Variants in CASTOR2 observed in about 807,000 individuals in gnomAD.
CASTOR2 encodes the protein cytosolic arginine sensor for mTORC1 subunit 2, also known as GATS protein like 2.
In CASTOR2, 8 loss-of-function variants were observed where a neutral mutation model predicts 31.2. The observed-to-expected ratio is 0.26, with a 90% CI of 0.15 to 0.46. The LOEUF is 0.46. CASTOR2 is among the 20% of genes least tolerant of loss of function. The pLI is 0.99. For synonymous variants in CASTOR2, 162 were observed against 158.7 expected (o/e 1.02, Z -0.16); for missense variants, 216 against 382.1 (o/e 0.57, Z 3.62).
At chr7:74,984,085 G>A (rs1482257187) in intron 1 of CASTOR2, among the ~76,000 whole-genome samples, 12 of 149,972 alleles carry the variant, frequency 8.0e-5, no homozygotes, top group Non-Finnish European at 1.6e-4. Flanking sequence ...GGCCTGACCC[G>A]GCCTTTCTGA....
At chr7:75,013,875 G>C (rs1804807138) in intron 2 of CASTOR2, among the ~76,000 whole-genome samples, 3 of 151,898 alleles carry the variant, frequency 2.0e-5, no homozygotes, top group African/African-American at 7.3e-5. Context: ...TTACAGGCAC[G>C]CACCACCACA....
chr7:75,018,158 T>C (rs1804909898), intron 4 of CASTOR2, 36 bp downstream of exon 4: 3 of 1,607,352 alleles, frequency 1.9e-6, no homozygotes, highest in Non-Finnish European at 2.5e-6. Flanking sequence ...AGGGGAAACC[T>C]CACGAAGTTA....
intron 1 of CASTOR2, among the ~76,000 whole-genome samples, chr7:74,986,699 T>C (rs1411775004): frequency 1.3e-5 from 2 of 152,084 alleles, no homozygotes; most frequent in East Asian, 1.9e-4. Flanking sequence ...AGCTCCTACC[T>C]ATACTGCAGG....
Position 74,972,644 on chromosome 7 carries a change from G to A in CASTOR2, c.113+7546G>A, listed in dbSNP as rs1803702298. On this transcript the variant is annotated intron_variant, in intron 1 of 8. Transcript: ENST00000616305. ...CCTACATGCAGGAAATCTTGCAAAC[G>A]AGCCATGGTGAACACTAAAGTCTTT... is the stretch of plus-strand genomic sequence containing the variant. 2.0e-5 allele frequency among the ~76,000 whole-genome samples: 3 copies of A among 150,250 alleles called. 1 individual carries two copies. In the Admixed American group the frequency reaches 2.0e-4, roughly 10 times the overall value.
intron 6 of CASTOR2, among the ~76,000 whole-genome samples, chr7:75,021,146 C>A (rs891763045): frequency 1.3e-5 from 2 of 152,278 alleles, no homozygotes; most frequent in Non-Finnish European, 2.9e-5. Context: ...CGCACACCAC[C>A]ATACCCTGTT....
intron 2 of CASTOR2, among the ~76,000 whole-genome samples, chr7:75,017,386 G>T (rs1211539244): frequency 2.6e-5 from 4 of 152,170 alleles, no homozygotes; most frequent in Non-Finnish European, 5.9e-5. Flanking sequence ...GTCAGAGGTT[G>T]CAGTGAGCCG....
intron 1 of CASTOR2, among the ~76,000 whole-genome samples, chr7:75,003,577 T>C (rs1265417599): frequency 8.6e-5 from 13 of 151,894 alleles, no homozygotes; most frequent in African/African-American, 2.9e-4. Flanking sequence ...GATGAAACCC[T>C]GTCTCTACTA....
At chr7:75,006,471 C>A (rs1217989513) in intron 1 of CASTOR2, among the ~76,000 whole-genome samples, 14 of 152,116 alleles carry the variant, frequency 9.2e-5, no homozygotes, top group African/African-American at 3.4e-4. Context: ...GAGAGGAGGC[C>A]AGGGAGAAGG....
intron 1 of CASTOR2, among the ~76,000 whole-genome samples, chr7:74,993,740 C>T (rs1448309629): frequency 6.6e-5 from 10 of 151,516 alleles, no homozygotes; most frequent in South Asian, 2.1e-4. Context: ...TGTGAGCCAC[C>T]GTGCCTGGCA....
At position 75,028,380 on chromosome 7, in the gene CASTOR2, C is replaced by T. The variant is rs1186671340; in HGVS notation, c.*3681C>T. On this transcript the variant is annotated 3_prime_UTR_variant, in exon 9 of 9. Coordinates refer to ENST00000616305, the MANE Select transcript of CASTOR2 (RefSeq NM_001145064.3). ...AAGTGATCCACCCACCTTGGCCTCC[C>T]GAAGTGCTGGGATTACAGGCATGAG... Among the ~76,000 whole-genome samples the T allele has an allele frequency of 6.6e-6, 1 of 152,110 alleles. No individual in the cohort carries two copies. The highest frequency in any genetic ancestry group is 1.5e-5 in the Non-Finnish European group (1 of 68,022).
intron 7 of CASTOR2, among the ~76,000 whole-genome samples, chr7:75,022,713 C>T (rs1177287559): frequency 6.6e-6 from 1 of 152,212 alleles, no homozygotes; most frequent in African/African-American, 2.4e-5. Context: ...ATGGGAGAAT[C>T]GCTTGAACCC....
chr7:75,027,495 C>T lies in CASTOR2; in HGVS notation c.*2796C>T, dbSNP rs1020358217. On this transcript the variant is annotated 3_prime_UTR_variant, in exon 9 of 9. Transcript: ENST00000616305. ...CTGCCTCCGTGGGTGGCACTTTTTA[C>T]GCAGGCAGCTTCTCTGTTTTTTTTG... 1.3e-5 allele frequency: 2 copies of T among 159,620 alleles called. No homozygotes were observed. Among genetic ancestry groups the T allele is most frequent in the East Asian group, 1.9e-4 (1 of 5,248 alleles). The allele number at this position is 159,620 out of a possible 1,614,324, so 9.9% of individuals were successfully genotyped here. A position where few individuals can be genotyped will look rare whatever the true frequency, so the allele number is the denominator to read the frequency against.
chr7:75,020,127 A>T lies in CASTOR2; in HGVS notation c.724A>T (p.Met242Leu). Residue 242 changes from methionine to leucine, a missense_variant, in exon 6 of 9, where the codon ATG becomes TTG. By Grantham distance (15) the Met-to-Leu change is conservative. Coordinates refer to ENST00000616305, the MANE Select transcript of CASTOR2 (RefSeq NM_001145064.3). ...SLIEGYISLV[M>L]DVQTQQRFPS... Reference sequence around the variant, plus strand: ...CATCGAGGGCTACATCTCCCTGGTGATGGACGTGCAGACGCAGCAGAGGTG... The same window carrying T: ...CATCGAGGGCTACATCTCCCTGGTGTTGGACGTGCAGACGCAGCAGAGGTG... 6.4e-7 allele frequency: 1 copy of T among 1,551,466 alleles called. No homozygotes were observed. The highest frequency in any genetic ancestry group is 8.7e-7 in the Non-Finnish European group (1 of 1,146,820).
chr7:74,977,675 C>G (rs1485827289), intron 1 of CASTOR2, among the ~76,000 whole-genome samples: 1 of 150,460 alleles, frequency 6.6e-6, no homozygotes, highest in Non-Finnish European at 1.5e-5. Flanking sequence ...GCCACCGCAC[C>G]TGGCCTGAAA....
chr7:74,987,708 T>C (rs1554436878), intron 1 of CASTOR2, among the ~76,000 whole-genome samples: 1 of 152,124 alleles, frequency 6.6e-6, no homozygotes, highest in African/African-American at 2.4e-5. Context: ...CTGGTTTTCT[T>C]TTTTTCTTTT....
chr7:75,017,527 C>CTGCCT (rs1804893593), intron 2 of CASTOR2, 71 bp from the exon 3 acceptor site: 1 of 1,554,924 alleles, frequency 6.4e-7, no homozygotes, highest in African/African-American at 1.4e-5. Context: ...CACCTCTGGC[C>CTGCCT]TGCCTTGCCC....
chr7:74,997,025 G>A (rs1204847543), intron 1 of CASTOR2, among the ~76,000 whole-genome samples: 6 of 150,528 alleles, frequency 4.0e-5, no homozygotes, highest in Non-Finnish European at 5.9e-5. Context: ...ATGAGCCACC[G>A]CGCCCAGCCG....
In CASTOR2 at chr7:75,020,159, G is replaced by T. The variant is rs1804958999; in HGVS notation, c.746+10G>T. On this transcript the variant is annotated intron_variant, in intron 6 of 8. Transcript: ENST00000616305. ...TGCAGACGCAGCAGAGGTGAGCCAGGCCCTGGGGTGGACGTTCAACCCAGG... is the reference window on the plus strand; with the variant it reads ...TGCAGACGCAGCAGAGGTGAGCCAGTCCCTGGGGTGGACGTTCAACCCAGG... 1.3e-6 allele frequency: 2 copies of T among 1,551,172 alleles called. No individual in the cohort carries two copies. The highest frequency in any genetic ancestry group is 2.7e-5 in the African/African-American group (2 of 73,054).
intron 1 of CASTOR2, among the ~76,000 whole-genome samples, chr7:75,002,048 G>T (rs1454169271): frequency 2.6e-5 from 4 of 152,164 alleles, no homozygotes; most frequent in Non-Finnish European, 5.9e-5. Flanking sequence ...GGGAAAGGAA[G>T]TGGCTGGTGT....
Sources: allele counts gnomAD v4.1 joint callset (sites outside exome capture counted in the v4.1 genomes callset), GRCh38; gene constraint gnomAD v4.1.1; transcripts MANE v1.5; gene names NCBI Gene and HGNC (gene_info 2026-07-23, HGNC 2026-07-21).